Variants in MARCHF1 observed in about 807,000 individuals in gnomAD.
MARCHF1 encodes the protein membrane associated ring-CH-type finger 1.
A neutral mutation model predicts 54.2 loss-of-function variants in MARCHF1; 40 were observed. The ratio of observed to expected loss-of-function variants is 0.74; its 90% CI spans 0.57 to 0.96. The LOEUF (loss-of-function observed/expected upper bound fraction) is 0.96, where lower values mean the gene tolerates loss of function less well. Ranked by LOEUF, MARCHF1 falls within the 40% of genes least tolerant of loss-of-function variation. The pLI, the probability that MARCHF1 is intolerant of heterozygous loss-of-function variation, is 0.00. For missense variants in MARCHF1, 586 were observed against 656.5 expected (o/e 0.89, Z 1.17); for synonymous variants, 236 against 236.3 (o/e 1.00, Z 0.01).
At chr4:164,175,503 G>A (rs1730640516) in intron 1 of MARCHF1, among the ~76,000 whole-genome samples, 1 of 152,034 alleles carries the variant, frequency 6.6e-6, no homozygotes. Flanking sequence ...GTATCAACTT[G>A]GCTAGGCCAT....
chr4:163,626,214 G>T (rs1000775621), intron 5 of MARCHF1, among the ~76,000 whole-genome samples: 1 of 152,146 alleles, frequency 6.6e-6, no homozygotes, highest in African/African-American at 2.4e-5. Flanking sequence ...TTTCAAATTA[G>T]GTTTTCTGAA....
intron 8 of MARCHF1, chr4:163,555,753 G>A: frequency 3.3e-6 from 1 of 298,810 alleles, no homozygotes; most frequent in African/African-American, 2.2e-5. Flanking sequence ...CTTCCCCAGA[G>A]GTTGAAACCC....
intron 2 of MARCHF1, among the ~76,000 whole-genome samples, chr4:164,050,958 A>C (rs926201879): frequency 1.3e-5 from 2 of 152,144 alleles, no homozygotes; most frequent in East Asian, 3.9e-4. Context: ...AATAATAATA[A>C]TAATAATATC....
intron 3 of MARCHF1, among the ~76,000 whole-genome samples, chr4:163,951,440 T>C (rs1272917825): frequency 2.6e-5 from 4 of 152,152 alleles, no homozygotes; most frequent in African/African-American, 4.8e-5. Context: ...TGGTAGAGGA[T>C]ACACAGGCAA....
intron 1 of MARCHF1, among the ~76,000 whole-genome samples, chr4:164,344,352 G>A (rs1730014860): frequency 6.6e-6 from 1 of 152,068 alleles, no homozygotes; most frequent in South Asian, 2.1e-4. Flanking sequence ...AACAAACCTC[G>A]ATGTGTACCC....
At chr4:163,647,277 G>T (rs1273451948) in intron 5 of MARCHF1, among the ~76,000 whole-genome samples, 1 of 151,982 alleles carries the variant, frequency 6.6e-6, no homozygotes, top group Non-Finnish European at 1.5e-5. Context: ...AATATTAATA[G>T]ATCTGGAGGG....
In MARCHF1 at chr4:164,374,307, G is replaced by T. The variant is rs1471249555; in HGVS notation, c.-323+9563C>A. 4.6e-5 allele frequency among the ~76,000 whole-genome samples: 7 copies of T among 152,004 alleles called. No homozygotes were observed. The East Asian group carries it at 1.2e-3, about 25-fold the overall frequency. ...AATCCAATAATTATTAATTTAAATTGTTATTATGATAATAATTCAGTCTTA... is the reference window on the plus strand; with the variant it reads ...AATCCAATAATTATTAATTTAAATTTTTATTATGATAATAATTCAGTCTTA... On this transcript the variant is annotated intron_variant, in intron 1 of 9. Transcript: ENST00000514618.
intron 1 of MARCHF1, among the ~76,000 whole-genome samples, chr4:164,373,486 C>T (rs1306444129): frequency 6.7e-6 from 1 of 150,128 alleles, no homozygotes; most frequent in Non-Finnish European, 1.5e-5. Context: ...TCCCCAGTAG[C>T]TAGGATTACA....
At chr4:163,689,756 A>G (rs1021960495) in intron 5 of MARCHF1, among the ~76,000 whole-genome samples, 1 of 152,110 alleles carries the variant, frequency 6.6e-6, no homozygotes, top group African/African-American at 2.4e-5. Context: ...GTGTGGGATG[A>G]GTAAGAACTA....
intron 4 of MARCHF1, among the ~76,000 whole-genome samples, chr4:163,721,290 G>T (rs1036751575): frequency 2.6e-5 from 4 of 152,132 alleles, no homozygotes; most frequent in African/African-American, 9.7e-5. Context: ...AGATAATCCT[G>T]TGGTTTTTGT....
At chr4:163,724,022 C>A (rs1257456639) in intron 4 of MARCHF1, among the ~76,000 whole-genome samples, 1 of 152,242 alleles carries the variant, frequency 6.6e-6, no homozygotes, top group Non-Finnish European at 1.5e-5. Flanking sequence ...CTTCTCTCAA[C>A]TCGTCAAAGT....
At chr4:163,871,623 C>T (rs779671004) in intron 3 of MARCHF1, among the ~76,000 whole-genome samples, 4 of 152,084 alleles carry the variant, frequency 2.6e-5, no homozygotes, top group Non-Finnish European at 4.4e-5. Flanking sequence ...AAATACATCG[C>T]ATTTTATTAT....
In MARCHF1 at chr4:164,182,795, C is replaced by G. The variant is rs192026790; in HGVS notation, c.-322-71133G>C. On this transcript the variant is annotated intron_variant, in intron 1 of 9. Coordinates refer to ENST00000514618, the MANE Select transcript of MARCHF1 (RefSeq NM_001394959.1). ...AATTAGTAATTTGATATTCTTTATACTTTTCCAACCTCATATTTTTCCTCT... is the reference window on the plus strand; with the variant it reads ...AATTAGTAATTTGATATTCTTTATAGTTTTCCAACCTCATATTTTTCCTCT... Among the ~76,000 whole-genome samples the G allele has an allele frequency of 6.6e-5, 10 of 152,106 alleles. No individual in the cohort carries two copies. In the East Asian group the frequency reaches 1.2e-3, roughly 18 times the overall value.
intron 5 of MARCHF1, among the ~76,000 whole-genome samples, chr4:163,649,311 G>T (rs554151372): frequency 6.6e-6 from 1 of 152,064 alleles, no homozygotes; most frequent in Non-Finnish European, 1.5e-5. Context: ...GCTACTCTAA[G>T]TTTACTGTCT....
At chr4:163,599,271 C>T (rs565338251) in intron 7 of MARCHF1, among the ~76,000 whole-genome samples, 154 of 145,304 alleles carry the variant, frequency 1.1e-3, no homozygotes, top group African/African-American at 3.9e-3. Context: ...GCCTGGGCGA[C>T]AGAGTGAGAC....
At chr4:164,284,806 A>G (rs1394751538) in intron 1 of MARCHF1, among the ~76,000 whole-genome samples, 2 of 151,122 alleles carry the variant, frequency 1.3e-5, no homozygotes, top group African/African-American at 4.9e-5. Context: ...AAGCAGTTCA[A>G]TATCGTATAT....
In MARCHF1 at chr4:164,073,204, A is replaced by G. The variant is rs117096030; in HGVS notation, c.-248+38384T>C. 1.5e-3 allele frequency among the ~76,000 whole-genome samples: 224 copies of G among 152,328 alleles called. 5 individuals carry two copies. The East Asian group carries it at 0.035, about 24-fold the overall frequency. Reference sequence around the variant, plus strand: ...AGATGAGTATTGGAAGTGTGTGTTCATTGTGGCACTGTTCGCAATAGCAAA... The same window carrying G: ...AGATGAGTATTGGAAGTGTGTGTTCGTTGTGGCACTGTTCGCAATAGCAAA... On this transcript the variant is annotated intron_variant, in intron 2 of 9. Transcript: ENST00000514618.
At chr4:164,321,145 G>C (rs1403516288) in intron 1 of MARCHF1, among the ~76,000 whole-genome samples, 1 of 152,104 alleles carries the variant, frequency 6.6e-6, no homozygotes, top group Non-Finnish European at 1.5e-5. Flanking sequence ...CAGAGAGAGA[G>C]AAAGTCAAAA....
intron 7 of MARCHF1, among the ~76,000 whole-genome samples, chr4:163,610,914 C>T (rs1403585851): frequency 2.0e-5 from 3 of 151,992 alleles, no homozygotes. Context: ...TTGTTTCCTG[C>T]TAGTGGCAGC....
Sources: allele counts gnomAD v4.1 joint callset (sites outside exome capture counted in the v4.1 genomes callset), GRCh38; gene constraint gnomAD v4.1.1; transcripts MANE v1.5; gene names NCBI Gene and HGNC (gene_info 2026-07-23, HGNC 2026-07-21).